The following UNC13C variants were observed in gnomAD, a reference collection of about 807,000 sequenced individuals.
UNC13C encodes the protein protein unc-13 homolog C.
Under a neutral mutation model 245.4 loss-of-function variants are expected in UNC13C, and 174 were observed. The ratio of observed to expected loss-of-function variants is 0.71; its 90% confidence interval spans 0.63 to 0.80. The LOEUF (loss-of-function observed/expected upper bound fraction) is 0.80, where lower values mean the gene tolerates loss of function less well. UNC13C is among the 30% of genes least tolerant of loss of function. The pLI is 0.00. For missense variants in UNC13C, 2,829 were observed against 2,602.9 expected (o/e 1.09, Z -1.89); for synonymous variants, 992 against 895.1 (o/e 1.11, Z -1.93).
the UNC13C span, chr15:53,911,255 G>A: frequency 2.6e-5 from 4 of 152,404 alleles, no homozygotes; most frequent in South Asian, 8.3e-4. Context: ...AGGGCACTTA[G>A]AGGCCCAGAT....
intron 30 of UNC13C, among the ~76,000 whole-genome samples, chr15:54,608,282 G>A (rs573588872): frequency 6.6e-6 from 1 of 152,280 alleles, no homozygotes; most frequent in East Asian, 1.9e-4. Flanking sequence ...ATATGTGTTA[G>A]ACTGTAATTT....
chr15:54,466,184 G>A (rs1472478844), intron 19 of UNC13C, among the ~76,000 whole-genome samples: 1 of 151,944 alleles, frequency 6.6e-6, no homozygotes, highest in Non-Finnish European at 1.5e-5. Flanking sequence ...ACCAGAGGTT[G>A]CAAAGGTGGG....
chr15:54,342,108 C>T (rs763117073), intron 17 of UNC13C, among the ~76,000 whole-genome samples: 1 of 151,936 alleles, frequency 6.6e-6, no homozygotes, highest in Non-Finnish European at 1.5e-5. Context: ...TCAATGAACG[C>T]TTGAGTTTTA....
chr15:54,554,447 AT>A, intron 28 of UNC13C, among the ~76,000 whole-genome samples: 1 of 152,208 alleles, frequency 6.6e-6, no homozygotes, highest in South Asian at 2.1e-4. Context: ...CTTATAAAAA[AT>A]AAGACACCTT....
chr15:54,546,592 GTTT>G (rs1896490628), intron 26 of UNC13C, 127 bp from the exon 27 acceptor site: 1 of 492,558 alleles, frequency 2.0e-6, no homozygotes, highest in African/African-American at 2.1e-5. Context: ...TCATGAAATA[GTTT>G]TTTGAGATTA....
intron 2 of UNC13C, among the ~76,000 whole-genome samples, chr15:54,083,031 A>G (rs1400465775): frequency 6.6e-6 from 1 of 152,112 alleles, no homozygotes; most frequent in Non-Finnish European, 1.5e-5. Context: ...TGGTGGTGCA[A>G]TTCAGGCTGC....
At chr15:54,009,295 A>G (rs534965207) in intron 1 of UNC13C, among the ~76,000 whole-genome samples, 7 of 152,182 alleles carry the variant, frequency 4.6e-5, no homozygotes, top group Middle Eastern at 3.4e-3. Flanking sequence ...GCCCCCCACT[A>G]TATCATAATT....
At chr15:53,862,972 CA>C in the UNC13C span, among the ~76,000 whole-genome samples, 1 of 152,128 alleles carries the variant, frequency 6.6e-6, no homozygotes, top group African/African-American at 2.4e-5. Context: ...ATTCCAGCAT[CA>C]ACTCTAAAGT....
chr15:54,444,310 A>G (rs1167919789), intron 19 of UNC13C, among the ~76,000 whole-genome samples: 2 of 151,010 alleles, frequency 1.3e-5, no homozygotes. Context: ...TATGTCATAT[A>G]TATACATATA....
Position 54,475,281 on chromosome 15 carries a change from TTTATTATTATTATTATTA to T in UNC13C, c.4934-19301_4934-19284del, listed in dbSNP as rs60034401. 4.9e-4 allele frequency among the ~76,000 whole-genome samples: 51 copies of T among 105,022 alleles called. 1 individual carries two copies. Among genetic ancestry groups the T allele is most frequent in the South Asian group, 3.1e-3 (10 of 3,216 alleles). 68.9% of individuals were successfully genotyped at this position (105,022 alleles called of 152,430 possible). On this transcript the variant is annotated intron_variant, in intron 19 of 32. Coordinates refer to ENST00000260323, the MANE Select transcript of UNC13C (RefSeq NM_001080534.3). ...ATAGTGAGAGGGGTATGGTTTTTTG[TTTATTATTATTATTATTA>T]TTATTATTATTATTATTATTATTAT...
chr15:54,163,763 T>C (rs1056752681), intron 4 of UNC13C, among the ~76,000 whole-genome samples: 2 of 152,242 alleles, frequency 1.3e-5, no homozygotes, highest in Admixed American at 6.5e-5. Flanking sequence ...ACCATCTTTT[T>C]TGTAATCATG....
At chr15:54,115,314 T>G (rs1443370335) in intron 2 of UNC13C, among the ~76,000 whole-genome samples, 2 of 152,136 alleles carry the variant, frequency 1.3e-5, no homozygotes, top group Non-Finnish European at 2.9e-5. Context: ...GCTAATATTT[T>G]TTAAATTCTT....
At chr15:53,921,205 G>A in the UNC13C span, among the ~76,000 whole-genome samples, 47,907 of 151,936 alleles carry the variant, frequency 0.32, 7,671 homozygotes, top group Non-Finnish European at 0.33. Flanking sequence ...TACTCTAAAT[G>A]TGTATGGGAG....
At chr15:54,239,941 T>C (rs931078772) in intron 7 of UNC13C, among the ~76,000 whole-genome samples, 1 of 152,236 alleles carries the variant, frequency 6.6e-6, no homozygotes, top group South Asian at 2.1e-4. Context: ...TCCTACACTG[T>C]ACCTTTCTTA....
the UNC13C span, among the ~76,000 whole-genome samples, chr15:53,872,976 C>A: frequency 6.6e-6 from 1 of 152,094 alleles, no homozygotes; most frequent in Admixed American, 6.6e-5. Context: ...TCAGAGCATC[C>A]AGAGCAATTT....
chr15:54,141,920 A>G (rs2032040523), intron 2 of UNC13C, among the ~76,000 whole-genome samples: 1 of 152,142 alleles, frequency 6.6e-6, no homozygotes, highest in African/African-American at 2.4e-5. Context: ...TCAGATTTTC[A>G]TCTGTAAGGG....
At chr15:54,012,368 A>G (rs1050475844) in intron 1 of UNC13C, among the ~76,000 whole-genome samples, 17 of 152,170 alleles carry the variant, frequency 1.1e-4, no homozygotes, top group Admixed American at 7.9e-4. Context: ...CTGTCGTATT[A>G]CTCAATGTTT....
chr15:53,965,539 CTTATTTATTTATTTAT>C, the UNC13C span, among the ~76,000 whole-genome samples: 6 of 144,700 alleles, frequency 4.1e-5, no homozygotes, highest in East Asian at 2.0e-4. Context: ...TTTTTTTTCC[CTTATTTATTTATTTAT>C]TTATTTATTT....
chr15:54,500,858 T>G lies in UNC13C; in HGVS notation c.5181T>G (p.Ala1727=), dbSNP rs747923876. ...AGTTCCAGCAGACATCTGAGCATGC[T>G]CTCTTTTCTTGCTCCGTGGTTGATG... The part of the protein sequence containing the change: ...KDGFQQTSEH[A]LFSCSVVDVF... Residue 1727 remains alanine (A), a synonymous_variant, in exon 22 of 33, where the codon GCT becomes GCG. Coordinates refer to ENST00000260323, the MANE Select transcript of UNC13C (RefSeq NM_001080534.3). 1.2e-6 allele frequency: 2 copies of G among 1,612,792 alleles called. No homozygotes were observed. The highest frequency in any genetic ancestry group is 2.7e-5 in the African/African-American group (2 of 74,856).
Sources: gnomAD v4.1 joint callset for allele counts (sites outside exome capture counted in the v4.1 genomes callset) on GRCh38, gnomAD v4.1.1 for gene constraint, MANE v1.5 for transcripts, NCBI Gene and HGNC (gene_info 2026-07-23, HGNC 2026-07-21) for gene names.